Variants in KANSL1 observed in about 807,000 individuals in gnomAD.
The protein encoded by KANSL1 is KAT8 regulatory NSL complex subunit 1.
A neutral mutation model predicts 103.6 loss-of-function variants in KANSL1; 22 were observed. The ratio of observed to expected loss-of-function variants is 0.21; its 90% CI spans 0.15 to 0.30. KANSL1 has a LOEUF of 0.30. KANSL1 is among the 10% of genes least tolerant of loss of function. The probability of loss-of-function intolerance (pLI) is 1.00; values close to 1 mark genes in which losing one functional copy is unlikely to be tolerated. For missense variants in KANSL1, 1,337 were observed against 1,399.8 expected, an observed-to-expected ratio of 0.96 and a Z score of 0.72; for synonymous variants, 600 against 527.6, an observed-to-expected ratio of 1.14 and a Z score of -1.88.
rs192506955 is a variant in KANSL1, at chr17:46,177,554, C to T, written c.-89-5322G>A. Among the ~76,000 whole-genome samples the T allele has an allele frequency of 1.3e-3, 196 of 152,296 alleles. 1 individual carries two copies. Among genetic ancestry groups the T allele is most frequent in the African/African-American group, 4.5e-3 (186 of 41,548 alleles). ...ATTTACTAACATAGAAAAGTGCTTGCTTCATTATTAAATGAAAAAAAGTTA... is the reference window on the plus strand; with the variant it reads ...ATTTACTAACATAGAAAAGTGCTTGTTTCATTATTAAATGAAAAAAAGTTA... On this transcript the variant is annotated intron_variant, in intron 1 of 14. Transcript: ENST00000432791.
chr17:46,049,240 CTT>C (rs34418861), intron 7 of KANSL1, among the ~76,000 whole-genome samples: 42 of 75,782 alleles, frequency 5.5e-4, no homozygotes, highest in Admixed American at 1.1e-3. Context: ...CATCCAAGAC[CTT>C]TTTTTTTTTT....
intron 2 of KANSL1, among the ~76,000 whole-genome samples, chr17:46,146,412 T>C (rs377203329): frequency 5.3e-5 from 8 of 152,136 alleles, no homozygotes; most frequent in Non-Finnish European, 7.3e-5. Context: ...CTCAGTCTTA[T>C]GATAGTCCAG....
chr17:46,225,188 G>T (rs988335899), upstream of KANSL1, among the ~76,000 whole-genome samples: 1 of 151,964 alleles, frequency 6.6e-6, no homozygotes, highest in African/African-American at 2.4e-5. Flanking sequence ...CCCGCTCCCC[G>T]GGCCCCGCGG....
intron 1 of KANSL1, chr17:46,192,287 T>A (rs2047372394): frequency 6.7e-6 from 1 of 149,314 alleles, no homozygotes; most frequent in African/African-American, 2.5e-5. Context: ...TAAAAGCAAA[T>A]AAATCCCTCT....
At chr17:46,113,816 A>C (rs1446552529) in intron 2 of KANSL1, among the ~76,000 whole-genome samples, 1 of 152,244 alleles carries the variant, frequency 6.6e-6, no homozygotes, top group Non-Finnish European at 1.5e-5. Flanking sequence ...AAAATTCCTT[A>C]GTCAATAACA....
chr17:46,071,978 C>T (rs2078593779), intron 4 of KANSL1, among the ~76,000 whole-genome samples: 2 of 137,626 alleles, frequency 1.5e-5, no homozygotes, highest in African/African-American at 5.8e-5. Context: ...GAATTGCTCC[C>T]CCCACCCCTC....
chr17:46,146,765 G>A lies in KANSL1; in HGVS notation c.1289+24090C>T, dbSNP rs1013449977. On this transcript the variant is annotated intron_variant, in intron 2 of 14. Coordinates refer to ENST00000432791, the MANE Select transcript of KANSL1 (RefSeq NM_015443.4). ...GGAGAATGGCGTGAACCCGGGAGGC[G>A]GAGCTTGCAGTGAGCCGAGATCCCG... is the stretch of plus-strand genomic sequence containing the variant. 1.3e-4 allele frequency among the ~76,000 whole-genome samples: 14 copies of A among 111,524 alleles called. 1 individual carries two copies. The highest frequency in any genetic ancestry group is 5.5e-3 in the Middle Eastern group (1 of 182). The allele number at this position is 111,524 out of a possible 152,430, so 73.2% of individuals were successfully genotyped here. A position where few individuals can be genotyped will look rare whatever the true frequency, so the allele number is the denominator to read the frequency against.
chr17:46,121,033 C>A (rs2043256449), intron 2 of KANSL1, among the ~76,000 whole-genome samples: 1 of 152,184 alleles, frequency 6.6e-6, no homozygotes, highest in Non-Finnish European at 1.5e-5. Context: ...TCTTTTATAA[C>A]CCATACATCC....
chr17:46,063,305 T>G (rs1232997680), intron 6 of KANSL1, among the ~76,000 whole-genome samples: 2 of 152,262 alleles, frequency 1.3e-5, no homozygotes, highest in East Asian at 3.8e-4. Flanking sequence ...TTTGTTTTCC[T>G]TACCAATGCA....
chr17:46,056,570 C>CA (rs542071356), intron 6 of KANSL1, among the ~76,000 whole-genome samples: 300 of 147,402 alleles, frequency 2.0e-3, no homozygotes, highest in Non-Finnish European at 3.7e-3. Flanking sequence ...TTTGTAAAAC[C>CA]GTAAGTATAG....
chr17:46,129,269 G>C (rs1047382738), intron 2 of KANSL1, among the ~76,000 whole-genome samples: 1 of 152,108 alleles, frequency 6.6e-6, no homozygotes, highest in African/African-American at 2.4e-5. Context: ...ATTTATTTTG[G>C]CTGGCAAATA....
In KANSL1 at chr17:46,033,159, G is replaced by C. The variant is rs2077056551; in HGVS notation, c.2758C>G (p.Leu920Val). The C allele has an allele frequency of 6.2e-7, 1 of 1,605,626 alleles. No homozygotes were observed. Among genetic ancestry groups the C allele is most frequent in the Admixed American group, 1.7e-5 (1 of 59,192 alleles). Residue 920 changes from leucine (L) to valine (V), a missense_variant, in exon 13 of 15, where the codon CTG (leucine) becomes GTG (valine). Leu to Val is a conservative substitution (Grantham distance 32, BLOSUM62 1). Transcript: ENST00000432791. The part of the protein sequence containing the change: ...EDLSDAAFAA[L>V]HAKCEEMERA... ...TCCATCTCCTCACATTTGGCATGCA[G>C]GGCGGCGAAGGCTGCGTCGGATAGG...
At chr17:46,116,884 AAG>A (rs1385244877) in intron 2 of KANSL1, among the ~76,000 whole-genome samples, 1 of 152,234 alleles carries the variant, frequency 6.6e-6, no homozygotes, top group African/African-American at 2.4e-5. Context: ...TAGCTTCCAA[AAG>A]AGTGTTTGAA....
chr17:46,202,565 T>C (rs754023533), intron 1 of KANSL1, among the ~76,000 whole-genome samples: 4 of 152,196 alleles, frequency 2.6e-5, no homozygotes, highest in Admixed American at 2.6e-4. Context: ...CTGAATGTAA[T>C]CCTTCCAGGC....
Position 46,114,396 on chromosome 17 carries a change from A to C in KANSL1, c.1290-19695T>G, listed in dbSNP as rs552875427. On this transcript the variant is annotated intron_variant, in intron 2 of 14. Coordinates refer to ENST00000432791, the MANE Select transcript of KANSL1 (RefSeq NM_015443.4). ...ACAAAAAAACTAAAACATCTAACTG[A>C]ATCAGGCTGCTTAAGTATCAAAATA... is the stretch of plus-strand genomic sequence containing the variant. Among the ~76,000 whole-genome samples, 4 of 152,288 alleles carry C rather than the reference A, an allele frequency of 2.6e-5. No individual in the cohort carries two copies. The South Asian group carries it at 8.3e-4, about 32-fold the overall frequency.
At chr17:46,181,586 C>G (rs1354265789) in intron 1 of KANSL1, among the ~76,000 whole-genome samples, 1 of 152,236 alleles carries the variant, frequency 6.6e-6, no homozygotes, top group East Asian at 1.9e-4. Flanking sequence ...CCTGCCACCA[C>G]AGCCAGCTAA....
At chr17:46,047,685 G>A (rs916618511) in intron 7 of KANSL1, among the ~76,000 whole-genome samples, 1 of 151,956 alleles carries the variant, frequency 6.6e-6, no homozygotes, top group South Asian at 2.1e-4. Flanking sequence ...TACTTAGGAG[G>A]CTGAAGTGGG....
intron 3 of KANSL1, among the ~76,000 whole-genome samples, chr17:46,092,540 CAAAG>C (rs1255520917): frequency 6.6e-6 from 1 of 152,020 alleles, no homozygotes; most frequent in Admixed American, 6.5e-5. Flanking sequence ...AAATAGTCAA[CAAAG>C]AAAGCCAATA....
In KANSL1 at chr17:46,163,290, T is replaced by G. The variant is rs1216347756; in HGVS notation, c.1289+7565A>C. ...ATTAATCAAATCCAAACTCCTCCAA[T>G]GAAGGTTTTCAGGTCTCTACAGAGC... On this transcript the variant is annotated intron_variant, in intron 2 of 14. Coordinates refer to ENST00000432791, the MANE Select transcript of KANSL1 (RefSeq NM_015443.4). Among the ~76,000 whole-genome samples, 6 of 152,362 alleles carry G rather than the reference T, an allele frequency of 3.9e-5. No individual in the cohort carries two copies. In the South Asian group the frequency reaches 6.2e-4, roughly 16 times the overall value.
Sources: gnomAD v4.1 joint callset for allele counts (sites outside exome capture counted in the v4.1 genomes callset) on GRCh38, gnomAD v4.1.1 for gene constraint, MANE v1.5 for transcripts, NCBI Gene and HGNC (gene_info 2026-07-23, HGNC 2026-07-21) for gene names.